The following RALGAPA2 variants were observed in gnomAD, a reference collection of about 807,000 sequenced individuals.
RALGAPA2 encodes Ral GTPase activating protein catalytic subunit alpha 2.
A neutral mutation model predicts 230.4 loss-of-function variants in RALGAPA2; 139 were observed. The observed-to-expected ratio is 0.60, with a 90% confidence interval of 0.53 to 0.69. The LOEUF is 0.69. Among genes scored for constraint, RALGAPA2 ranks in the 30% least tolerant of loss-of-function variants. The pLI is 0.00. For missense variants in RALGAPA2, 2,163 were observed against 2,276.0 expected, an observed-to-expected ratio of 0.95 and a Z score of 1.01; for synonymous variants, 847 against 837.8, an observed-to-expected ratio of 1.01 and a Z score of -0.19.
At chr20:20,534,302 G>A (rs963974182) in intron 26 of RALGAPA2, among the ~76,000 whole-genome samples, 4 of 151,966 alleles carry the variant, frequency 2.6e-5, no homozygotes, top group South Asian at 4.2e-4. Flanking sequence ...AAAATTAGCC[G>A]GGCATGGTGG....
At chr20:20,463,601 G>C (rs1222462052) in intron 37 of RALGAPA2, among the ~76,000 whole-genome samples, 2 of 152,036 alleles carry the variant, frequency 1.3e-5, no homozygotes, top group African/African-American at 4.8e-5. Flanking sequence ...TATGCTTCAT[G>C]GCCAGAAGAT....
intron 37 of RALGAPA2, among the ~76,000 whole-genome samples, chr20:20,451,436 T>A (rs985708970): frequency 3.3e-5 from 5 of 152,208 alleles, no homozygotes; most frequent in African/African-American, 9.7e-5. Flanking sequence ...AGGTTGAAGT[T>A]CCTTTATAAA....
At chr20:20,592,210 T>C (rs1327979904) in intron 16 of RALGAPA2, among the ~76,000 whole-genome samples, 1 of 152,214 alleles carries the variant, frequency 6.6e-6, no homozygotes, top group Non-Finnish European at 1.5e-5. Context: ...AAAATAAAGA[T>C]CTGGCTGTGC....
chr20:20,583,677 T>C (rs1387909930), intron 19 of RALGAPA2, among the ~76,000 whole-genome samples: 1 of 152,148 alleles, frequency 6.6e-6, no homozygotes, highest in Non-Finnish European at 1.5e-5. Flanking sequence ...AGACCTAGGG[T>C]GACTCATTCA....
Position 20,601,700 on chromosome 20 carries a change from C to A in RALGAPA2, c.2185G>T (p.Val729Phe). The change falls in exon 16 of 40, where the codon GTT becomes TTT. Residue 729 changes from valine to phenylalanine, a missense_variant. By Grantham distance (50) the Val-to-Phe change is conservative (BLOSUM62 -1). Transcript: ENST00000202677. ...TGTTTACCAGTTGCTTTTTGGCGAA[C>A]AATATTTCTTGCCTTTTCCACTCCC... ...APGVEKARNI[V>F]RQKATEVEEC... 6.2e-7 allele frequency: 1 copy of A among 1,611,242 alleles called. No homozygotes were observed. Among genetic ancestry groups the A allele is most frequent in the Non-Finnish European group, 8.5e-7 (1 of 1,179,030 alleles).
At chr20:20,442,652 C>T (rs987425242) in intron 37 of RALGAPA2, among the ~76,000 whole-genome samples, 1 of 152,240 alleles carries the variant, frequency 6.6e-6, no homozygotes. Context: ...ACTGGTATTA[C>T]AATGTACGGT....
chr20:20,569,810 AACTT>A (rs2145905679), intron 23 of RALGAPA2, among the ~76,000 whole-genome samples: 1 of 152,266 alleles, frequency 6.6e-6, no homozygotes, highest in African/African-American at 2.4e-5. Context: ...GTTTACTGCT[AACTT>A]ACTTGTTTTT....
rs760238368 is a variant in RALGAPA2 at position 20,444,605 on chromosome 20, AC to A, written c.5495+28223del. ...CACTCTCCCCCTTACTGGAAGGATA[AC>A]TCCTCTCCTGATACACTGCAGATTA... On this transcript the variant is annotated intron_variant, in intron 37 of 39. Transcript: ENST00000202677. 2.9e-3 allele frequency among the ~76,000 whole-genome samples: 444 copies of A among 152,206 alleles called. 2 individuals are homozygous for A. The highest frequency in any genetic ancestry group is 5.1e-3 in the Non-Finnish European group (350 of 68,012).
intron 23 of RALGAPA2, among the ~76,000 whole-genome samples, chr20:20,557,927 A>C (rs551980558): frequency 1.7e-4 from 26 of 152,282 alleles, no homozygotes; most frequent in Admixed American, 1.2e-3. Context: ...GGAAAATGTT[A>C]ATTCAGGGTC....
At chr20:20,428,401 GA>G (rs201245453) in intron 37 of RALGAPA2, among the ~76,000 whole-genome samples, 5 of 150,890 alleles carry the variant, frequency 3.3e-5, no homozygotes, top group Admixed American at 6.6e-5. Flanking sequence ...CTTACTCTTA[GA>G]AAAAAAAATA....
chr20:20,453,414 GCA>G (rs2061035710), intron 37 of RALGAPA2, among the ~76,000 whole-genome samples: 2 of 152,168 alleles, frequency 1.3e-5, no homozygotes, highest in Non-Finnish European at 2.9e-5. Context: ...AGTGATGTGT[GCA>G]CATCTGGGTG....
At position 20,567,993 on chromosome 20, in the gene RALGAPA2, A is replaced by T. The variant is rs1444331106; in HGVS notation, c.3156+3465T>A. On this transcript the variant is annotated intron_variant, in intron 23 of 39. Transcript: ENST00000202677. ...CAACATCATGCAGTCCCCAGCACAG[A>T]GTCCAGCACTGTGAGTGCTGAAGAA... Among the ~76,000 whole-genome samples the T allele has an allele frequency of 2.0e-5, 3 of 152,168 alleles. No individual in the cohort carries two copies. In the East Asian group the frequency reaches 5.8e-4, roughly 29 times the overall value.
intron 23 of RALGAPA2, among the ~76,000 whole-genome samples, chr20:20,552,248 T>A (rs2063946181): frequency 6.6e-6 from 1 of 152,150 alleles, no homozygotes; most frequent in African/African-American, 2.4e-5. Context: ...CAGCCATCTG[T>A]CTCCCTGCCT....
At chr20:20,586,650 A>T (rs1891127180) in intron 18 of RALGAPA2, among the ~76,000 whole-genome samples, 1 of 152,238 alleles carries the variant, frequency 6.6e-6, no homozygotes. Flanking sequence ...AGAAATTACA[A>T]GATATGCTTG....
chr20:20,623,187 TA>T (rs1466406398), intron 10 of RALGAPA2, among the ~76,000 whole-genome samples: 1 of 152,318 alleles, frequency 6.6e-6, no homozygotes, highest in East Asian at 1.9e-4. Context: ...TTGTAAGATT[TA>T]ATTTAAAAAT....
At chr20:20,471,096 T>C (rs1484187443) in intron 37 of RALGAPA2, 1 of 152,228 alleles carries the variant, frequency 6.6e-6, no homozygotes, top group Admixed American at 6.5e-5. Flanking sequence ...GTTAGCTATT[T>C]TGTGAGTTAG....
intron 36 of RALGAPA2, among the ~76,000 whole-genome samples, chr20:20,474,393 T>C (rs1172677261): frequency 6.6e-6 from 1 of 152,190 alleles, no homozygotes; most frequent in Non-Finnish European, 1.5e-5. Context: ...CTGAGTAAGA[T>C]CAAATCCTCC....
chr20:20,485,296 T>C (rs1160851146), intron 36 of RALGAPA2, among the ~76,000 whole-genome samples: 1 of 152,184 alleles, frequency 6.6e-6, no homozygotes, highest in Admixed American at 6.5e-5. Flanking sequence ...TTAATATAGT[T>C]ATTCCAGCTT....
Position 20,700,161 on chromosome 20 carries a change from G to A in RALGAPA2, c.106+12214C>T, listed in dbSNP as rs150105279. Among the ~76,000 whole-genome samples, 539 of 152,222 alleles carry A rather than the reference G, an allele frequency of 3.5e-3. 3 individuals carry two copies. The highest frequency in any genetic ancestry group is 0.01 in the Middle Eastern group (3 of 294). ...ATGAAATCATGTCTTCTACAGCAAC[G>A]TGAATGCAGCTGGAGGCCATAAACC... is the stretch of plus-strand genomic sequence containing the variant. On this transcript the variant is annotated intron_variant, in intron 1 of 39. Coordinates refer to ENST00000202677, the MANE Select transcript of RALGAPA2 (RefSeq NM_020343.4).
Sources: allele counts gnomAD v4.1 joint callset (sites outside exome capture counted in the v4.1 genomes callset), GRCh38; gene constraint gnomAD v4.1.1; transcripts MANE v1.5; gene names NCBI Gene and HGNC (gene_info 2026-07-23, HGNC 2026-07-21).